FBXL12: variants seen among roughly 807,000 people sequenced by gnomAD.
The protein encoded by FBXL12 is F-box and leucine rich repeat protein 12.
Under a neutral mutation model 24.9 loss-of-function variants are expected in FBXL12, and 22 were observed. That is an observed-to-expected ratio of 0.88 (90% CI 0.63 to 1.26). The LOEUF (loss-of-function observed/expected upper bound fraction) is 1.26. FBXL12 is among the 50% of genes most tolerant of loss of function. The pLI is 0.00. For missense variants in FBXL12, 384 were observed against 434.1 expected (o/e 0.88, Z 1.03); for synonymous variants, 193 against 193.8 (o/e 1.00, Z 0.03).
intron 2 of FBXL12, 153 bp downstream of exon 2, chr19:9,818,392 G>C: frequency 1.3e-6 from 1 of 758,294 alleles, no homozygotes; most frequent in Non-Finnish European, 2.1e-6. Context: ...TCGAAGAGGA[G>C]CTGGTAAGCG....
In FBXL12 at chr19:9,811,229, G is replaced by C; in HGVS notation, c.648C>G (p.Ala216=). Residue 216 remains alanine (A), a synonymous_variant, in exon 3 of 3, where the codon GCC becomes GCG. Coordinates refer to ENST00000247977, the MANE Select transcript of FBXL12 (RefSeq NM_017703.3). The surrounding 1 kb of genome is among the most constrained non-coding windows in gnomAD (Gnocchi z 6.0). The part of the protein sequence containing the change: ...RLEVLGCTLS[A]DSTLLAISRH... Reference sequence around the variant, plus strand: ...GGCTGATGGCCAGCAGGGTGCTGTCGGCAGACAGGGTGCAGCCCAGCACCT... The same window carrying C: ...GGCTGATGGCCAGCAGGGTGCTGTCCGCAGACAGGGTGCAGCCCAGCACCT... The C allele has an allele frequency of 6.2e-7, 1 of 1,613,074 alleles. No homozygotes were observed. The highest frequency in any genetic ancestry group is 8.5e-7 in the Non-Finnish European group (1 of 1,179,946).
At chr19:9,813,071 CA>C (rs879773410) in intron 2 of FBXL12, among the ~76,000 whole-genome samples, 43 of 143,684 alleles carry the variant, frequency 3.0e-4, no homozygotes, top group East Asian at 4.0e-4. Flanking sequence ...AACTCCATGT[CA>C]AAAAAAAAAA....
At chr19:9,813,499 C>A in intron 2 of FBXL12, 1 of 251,878 alleles carries the variant, frequency 4.0e-6, no homozygotes, top group Non-Finnish European at 7.3e-6. Context: ...CCATGCCCGG[C>A]TAATTTTTTT....
At chr19:9,812,855 C>T (rs560619681) in intron 2 of FBXL12, among the ~76,000 whole-genome samples, 105 of 151,668 alleles carry the variant, frequency 6.9e-4, no homozygotes, top group Middle Eastern at 3.5e-3. Flanking sequence ...GGGCAGATCA[C>T]CTGAGGTCAG....
At chr19:9,815,656 CTT>C (rs142635664) in intron 2 of FBXL12, among the ~76,000 whole-genome samples, 22 of 142,080 alleles carry the variant, frequency 1.5e-4, no homozygotes, top group East Asian at 6.1e-4. Context: ...AACTTCAATT[CTT>C]TTTTTTTTTT....
intron 2 of FBXL12, among the ~76,000 whole-genome samples, chr19:9,816,593 G>C (rs576799544): frequency 6.6e-6 from 1 of 152,248 alleles, no homozygotes; most frequent in Admixed American, 6.5e-5. Context: ...CCTCAGCCTG[G>C]ACCTTATTGA....
chr19:9,818,111 C>G (rs956597987), intron 2 of FBXL12: 2 of 391,382 alleles, frequency 5.1e-6, no homozygotes, highest in African/African-American at 4.1e-5. Context: ...ACTCAGGAGG[C>G]TGATGCGAGA....
At position 9,811,828 on chromosome 19, in the gene FBXL12, G is replaced by A; in HGVS notation, c.160-111C>T. On this transcript the variant is annotated intron_variant, in intron 2 of 2. Transcript: ENST00000247977. The surrounding 1 kb of genome is among the most constrained non-coding windows in gnomAD (Gnocchi z 6.0). ...GTGGGGGATTCTGGTGCCCTGCTGG[G>A]CTTCTGCCCTTGCCTAGCCAGTCTC... The A allele has an allele frequency of 1.1e-6, 1 of 936,342 alleles. No homozygotes were observed. Among genetic ancestry groups the A allele is most frequent in the Non-Finnish European group, 1.5e-6 (1 of 670,930 alleles). The allele number at this position is 936,342 out of a possible 1,614,324, so 58.0% of individuals were successfully genotyped here.
Position 9,811,356 on chromosome 19 carries a change from C to T in FBXL12, c.521G>A (p.Arg174His), listed in dbSNP as rs139433783. 1.5e-4 allele frequency: 246 copies of T among 1,611,218 alleles called. 1 individual carries two copies. The highest frequency in any genetic ancestry group is 1.5e-3 in the South Asian group (133 of 91,070). ...FRDEHLQGLTRFRALRSLVLG... is the reference protein window; with the variant it reads ...FRDEHLQGLTHFRALRSLVLG... ...CACCAGCGAGCGCAAGGCCCGGAAG[C>T]GCGTCAGGCCCTGCAGGTGCTCGTC... Residue 174 changes from arginine to histidine, a missense_variant, in exon 3 of 3, where the codon CGC becomes CAC. Transcript: ENST00000247977. This position sits in a 1 kb window ranked among gnomAD's most constrained non-coding sequence, Gnocchi z 6.0.
rs2045724222 is a variant in FBXL12 at position 9,810,821 on chromosome 19, T to G, written c.*75A>C. On this transcript the variant is annotated 3_prime_UTR_variant, in exon 3 of 3. Coordinates refer to ENST00000247977, the MANE Select transcript of FBXL12 (RefSeq NM_017703.3). ...TTTCCTCAAGTCTGATTATCTGCCC[T>G]CTTCAAGGTGCTGCTCAGAGGGTCT... 8.2e-7 allele frequency: 1 copy of G among 1,226,450 alleles called. No homozygotes were observed. Among genetic ancestry groups the G allele is most frequent in the Admixed American group, 2.6e-5 (1 of 38,884 alleles). 76.0% of individuals were successfully genotyped at this position (1,226,450 alleles called of 1,614,324 possible).
chr19:9,813,149 T>C (rs752000070), intron 2 of FBXL12: 12 of 861,004 alleles, frequency 1.4e-5, no homozygotes, highest in Non-Finnish European at 1.8e-5. Context: ...TAGTAGAAAA[T>C]AAAAAATATA....
chr19:9,818,706 C>A lies in FBXL12; in HGVS notation c.86+22G>T, dbSNP rs1215497366. The A allele has an allele frequency of 3.2e-6, 5 of 1,543,010 alleles. No homozygotes were observed. The highest frequency in any genetic ancestry group is 1.7e-4 in the Middle Eastern group (1 of 5,986). On this transcript the variant is annotated intron_variant, in intron 1 of 2. Coordinates refer to ENST00000247977, the MANE Select transcript of FBXL12 (RefSeq NM_017703.3). ...CAGCTGCGCCCTCCGCCCTGCCCTT[C>A]CCCCCGGAGGCGGGGCCGCACCTGG...
intron 2 of FBXL12, among the ~76,000 whole-genome samples, chr19:9,812,801 C>T (rs1405688083): frequency 4.0e-5 from 6 of 149,370 alleles, no homozygotes; most frequent in Non-Finnish European, 5.9e-5. Flanking sequence ...AGGCTGGGCA[C>T]GGTGGCTCAC....
intron 2 of FBXL12, among the ~76,000 whole-genome samples, chr19:9,815,533 T>A (rs1397400148): frequency 5.3e-5 from 8 of 152,206 alleles, no homozygotes; most frequent in African/African-American, 1.9e-4. Flanking sequence ...CACATTTCCC[T>A]TCCACACTGC....
At position 9,819,030 on chromosome 19, in the gene FBXL12, T is replaced by C; in HGVS notation, c.-217A>G. On this transcript the variant is annotated 5_prime_UTR_variant, in exon 1 of 3. Coordinates refer to ENST00000247977, the MANE Select transcript of FBXL12 (RefSeq NM_017703.3). ...AAGCGTGGCTGAGGCAGTGAGAGGCTTGCGGGAGGTGGCTGAGGCGTGATT... is the reference window on the plus strand; with the variant it reads ...AAGCGTGGCTGAGGCAGTGAGAGGCCTGCGGGAGGTGGCTGAGGCGTGATT... 1 of 585,912 alleles carries C rather than the reference T, an allele frequency of 1.7e-6. No individual in the cohort carries two copies. Among genetic ancestry groups the C allele is most frequent in the South Asian group, 2.0e-5 (1 of 49,006 alleles). The allele number at this position is 585,912 out of a possible 1,614,324, so 36.3% of individuals were successfully genotyped here. A position where few individuals can be genotyped will look rare whatever the true frequency, so the allele number is the denominator to read the frequency against.
At chr19:9,813,325 C>A (rs949114985) in intron 2 of FBXL12, 22 of 1,088,782 alleles carry the variant, frequency 2.0e-5, no homozygotes, top group South Asian at 4.7e-5. Context: ...TGTGTGCTTA[C>A]AAAGGTGTTT....
intron 2 of FBXL12, among the ~76,000 whole-genome samples, chr19:9,817,032 G>A (rs2045901417): frequency 6.6e-6 from 1 of 152,140 alleles, no homozygotes; most frequent in Non-Finnish European, 1.5e-5. Flanking sequence ...AATAGCATGG[G>A]AAAGACTGGC....
rs1177447391 is a variant in FBXL12 at position 9,811,829 on chromosome 19, C to T, written c.160-112G>A. 11 of 915,900 alleles carry T rather than the reference C, an allele frequency of 1.2e-5. No homozygotes were observed. The highest frequency in any genetic ancestry group is 1.7e-5 in the African/African-American group (1 of 60,124). 56.7% of individuals were successfully genotyped at this position (915,900 alleles called of 1,614,324 possible). ...TGGGGGATTCTGGTGCCCTGCTGGG[C>T]TTCTGCCCTTGCCTAGCCAGTCTCC... On this transcript the variant is annotated intron_variant, in intron 2 of 2. Transcript: ENST00000247977. The surrounding 1 kb of genome is among the most constrained non-coding windows in gnomAD (Gnocchi z 6.0).
At position 9,810,929 on chromosome 19, in the gene FBXL12, A is replaced by C. The variant is rs1266247822; in HGVS notation, c.948T>G (p.Ala316=). 8 of 1,597,812 alleles carry C rather than the reference A, an allele frequency of 5.0e-6. No homozygotes were observed. Among genetic ancestry groups the C allele is most frequent in the African/African-American group, 1.3e-5 (1 of 74,630 alleles). The change falls in exon 3 of 3, where the codon GCT becomes GCG. Residue 316 remains alanine (A), a synonymous_variant. Coordinates refer to ENST00000247977, the MANE Select transcript of FBXL12 (RefSeq NM_017703.3). ...ACCAGTCCATAGACTCTTTGGGGCA[A>C]GCCCTGACGATGACCATACAGTGGG... ...GLPHCMVIVR[A]CPKESMDWWM
Sources: gnomAD v4.1 joint callset for allele counts (sites outside exome capture counted in the v4.1 genomes callset) on GRCh38, gnomAD v4.1.1 for gene constraint, Gnocchi (gnomAD v3.1) non-coding constraint, MANE v1.5 for transcripts, NCBI Gene and HGNC (gene_info 2026-07-23, HGNC 2026-07-21) for gene names.